Variants in CSMD1 observed in about 807,000 individuals in gnomAD.
CSMD1 encodes CUB and sushi domain-containing protein 1.
CSMD1 carries 213 observed loss-of-function variants against 417.5 expected under a neutral mutation model. That is an observed-to-expected ratio of 0.51 (90% confidence interval 0.46 to 0.57). The LOEUF is 0.57. Ranked by LOEUF, CSMD1 falls within the 20% of genes least tolerant of loss-of-function variation. The probability of loss-of-function intolerance (pLI) is 0.00; values close to 1 mark genes in which losing one functional copy is unlikely to be tolerated. For synonymous variants in CSMD1, 2,862 were observed against 1,736.8 expected, an observed-to-expected ratio of 1.65 and a Z score of -16.11; for missense variants, 6,923 against 4,529.7, an observed-to-expected ratio of 1.53 and a Z score of -15.17.
At chr8:2,967,438 A>G (rs1804062878) in intron 57 of CSMD1, among the ~76,000 whole-genome samples, 1 of 152,076 alleles carries the variant, frequency 6.6e-6, no homozygotes, top group African/African-American at 2.4e-5. Flanking sequence ...ACAGGTCTAC[A>G]CTCTGTGCCT....
At chr8:4,082,246 G>C (rs948810433) in intron 3 of CSMD1, among the ~76,000 whole-genome samples, 1 of 152,226 alleles carries the variant, frequency 6.6e-6, no homozygotes, top group Admixed American at 6.5e-5. Context: ...CAAAGTCCTA[G>C]AAAATTACAA....
intron 2 of CSMD1, among the ~76,000 whole-genome samples, chr8:4,441,681 G>A (rs768660155): frequency 4.6e-5 from 7 of 151,850 alleles, no homozygotes; most frequent in East Asian, 1.9e-4. Flanking sequence ...ATATTTACAG[G>A]TATCTTTCAA....
intron 5 of CSMD1, among the ~76,000 whole-genome samples, chr8:3,856,116 G>T (rs565953892): frequency 2.8e-4 from 43 of 152,064 alleles, no homozygotes; most frequent in Non-Finnish European, 5.4e-4. Flanking sequence ...AATTCCCAGT[G>T]CTGGAGACGG....
intron 1 of CSMD1, among the ~76,000 whole-genome samples, chr8:4,733,966 T>G (rs940937389): frequency 3.9e-5 from 6 of 152,212 alleles, no homozygotes; most frequent in Non-Finnish European, 7.4e-5. Context: ...GTTAGAATTA[T>G]GCCCCTATGC....
At position 4,279,024 on chromosome 8, in the gene CSMD1, C is replaced by G. The variant is rs537319432; in HGVS notation, c.415+140929G>C. 3.3e-5 allele frequency among the ~76,000 whole-genome samples: 5 copies of G among 152,248 alleles called. No individual in the cohort carries two copies. The East Asian group carries it at 9.7e-4, about 29-fold the overall frequency. On this transcript the variant is annotated intron_variant, in intron 3 of 69. Transcript: ENST00000635120. The stretch of plus-strand genomic sequence containing the variant: ...TTTACTGACAGTTGTTAAAGTTGAG[C>G]TATGGACACATTACTTTCCATAAAC...
intron 3 of CSMD1, among the ~76,000 whole-genome samples, chr8:4,310,085 T>C (rs1798475005): frequency 6.6e-6 from 1 of 152,206 alleles, no homozygotes; most frequent in Admixed American, 6.5e-5. Context: ...AGGTCTGCAA[T>C]TATCACCTCT....
At chr8:4,678,963 G>T (rs1805861813) in intron 1 of CSMD1, among the ~76,000 whole-genome samples, 1 of 152,140 alleles carries the variant, frequency 6.6e-6, no homozygotes, top group Admixed American at 6.5e-5. Flanking sequence ...TACCAGCTAT[G>T]CTAAGAGTTG....
chr8:4,331,555 T>C (rs565415357), intron 3 of CSMD1, among the ~76,000 whole-genome samples: 4 of 152,142 alleles, frequency 2.6e-5, no homozygotes, highest in African/African-American at 9.7e-5. Context: ...CAGTATGAAT[T>C]AAATCCACAG....
intron 1 of CSMD1, chr8:4,787,411 G>T: frequency 1.3e-6 from 1 of 745,006 alleles, no homozygotes. Flanking sequence ...AAGTCCTCCT[G>T]CAGTCCAAGG....
At chr8:4,238,973 G>T (rs563591946) in intron 3 of CSMD1, among the ~76,000 whole-genome samples, 15 of 152,286 alleles carry the variant, frequency 9.8e-5, no homozygotes, top group African/African-American at 3.6e-4. Context: ...ACAGCCCAGA[G>T]TCCCATTTTC....
At chr8:4,034,429 T>C (rs1191558799) in intron 3 of CSMD1, among the ~76,000 whole-genome samples, 1 of 152,242 alleles carries the variant, frequency 6.6e-6, no homozygotes, top group Non-Finnish European at 1.5e-5. Context: ...TTGTCTGCAA[T>C]CATTTTTGTC....
chr8:4,750,315 A>G (rs1274740711), intron 1 of CSMD1, among the ~76,000 whole-genome samples: 2 of 152,080 alleles, frequency 1.3e-5, no homozygotes, highest in African/African-American at 4.8e-5. Context: ...CCTGACTTTT[A>G]CTTTTACTCA....
At chr8:3,403,534 T>G (rs1812166250) in intron 15 of CSMD1, among the ~76,000 whole-genome samples, 1 of 152,334 alleles carries the variant, frequency 6.6e-6, no homozygotes, top group South Asian at 2.1e-4. Flanking sequence ...TATAGCTGGG[T>G]TTTGCCTTTA....
chr8:4,811,635 G>C lies in CSMD1; in HGVS notation c.86-174077C>G, dbSNP rs74529774. 5.3e-5 allele frequency among the ~76,000 whole-genome samples: 8 copies of C among 152,004 alleles called. No homozygotes were observed. In the East Asian group the frequency reaches 1.6e-3, roughly 29 times the overall value. On this transcript the variant is annotated intron_variant, in intron 1 of 69. Coordinates refer to ENST00000635120, the MANE Select transcript of CSMD1 (RefSeq NM_033225.6). ...CACATTCACTTCAAAATTTTGATGG[G>C]GCTGTCATAACTGGACTTTTTAAGT...
chr8:3,911,546 A>G (rs866570833), intron 5 of CSMD1, among the ~76,000 whole-genome samples: 232 of 151,748 alleles, frequency 1.5e-3, no homozygotes, highest in Middle Eastern at 3.4e-3. Context: ...AAAAAAAAAA[A>G]AAGAAGAAGA....
chr8:4,281,847 C>T (rs1250489864), intron 3 of CSMD1, among the ~76,000 whole-genome samples: 1 of 152,126 alleles, frequency 6.6e-6, no homozygotes, highest in Non-Finnish European at 1.5e-5. Context: ...CTCATAAACA[C>T]ACCTAACATG....
intron 1 of CSMD1, among the ~76,000 whole-genome samples, chr8:4,949,074 G>C (rs981396195): frequency 1.3e-5 from 2 of 151,970 alleles, no homozygotes; most frequent in Non-Finnish European, 2.9e-5. Flanking sequence ...GCTTCTGTTG[G>C]GATAACTTTT....
chr8:4,124,167 G>T (rs951137550), intron 3 of CSMD1, among the ~76,000 whole-genome samples: 14 of 152,122 alleles, frequency 9.2e-5, no homozygotes, highest in African/African-American at 2.4e-4. Context: ...CTGCGGAGGC[G>T]CAGGGGAGGA....
intron 2 of CSMD1, among the ~76,000 whole-genome samples, chr8:4,518,035 T>C (rs1335211276): frequency 6.6e-6 from 1 of 152,184 alleles, no homozygotes; most frequent in Non-Finnish European, 1.5e-5. Flanking sequence ...GAAAGATAAA[T>C]ACTGCACAGC....
Sources: gnomAD v4.1 joint callset for allele counts (sites outside exome capture counted in the v4.1 genomes callset) on GRCh38, gnomAD v4.1.1 for gene constraint, MANE v1.5 for transcripts, NCBI Gene and HGNC (gene_info 2026-07-23, HGNC 2026-07-21) for gene names.